PREX2: variants seen among roughly 807,000 people sequenced by gnomAD.
The protein encoded by PREX2 is phosphatidylinositol-3,4,5-trisphosphate dependent Rac exchange factor 2.
A neutral mutation model predicts 203.2 loss-of-function variants in PREX2; 107 were observed. The ratio of observed to expected loss-of-function variants is 0.53; its 90% CI spans 0.45 to 0.62. The LOEUF (loss-of-function observed/expected upper bound fraction) is 0.62, where lower values mean the gene tolerates loss of function less well. Ranked by LOEUF, PREX2 falls within the 20% of genes least tolerant of loss-of-function variation. The pLI, the probability that PREX2 is intolerant of heterozygous loss-of-function variation, is 0.00. For synonymous variants in PREX2, 672 were observed against 663.6 expected (o/e 1.01, Z -0.19); for missense variants, 1,777 against 1,955.9 (o/e 0.91, Z 1.72).
At chr8:68,036,879 G>A (rs1465083324) in intron 6 of PREX2, among the ~76,000 whole-genome samples, 1 of 152,180 alleles carries the variant, frequency 6.6e-6, no homozygotes, top group African/African-American at 2.4e-5. Flanking sequence ...GGCGGAGGTT[G>A]TGGCGAGCCA....
At chr8:68,064,585 C>A (rs1036643108) in intron 11 of PREX2, among the ~76,000 whole-genome samples, 5 of 151,700 alleles carry the variant, frequency 3.3e-5, no homozygotes, top group Non-Finnish European at 7.4e-5. Context: ...GTTATGTTGA[C>A]CAGGTTGGTC....
intron 35 of PREX2, among the ~76,000 whole-genome samples, chr8:68,174,809 C>T (rs1224256082): frequency 1.3e-5 from 2 of 152,170 alleles, no homozygotes; most frequent in African/African-American, 4.8e-5. Context: ...GCCAGAGCAA[C>T]CAAACCAGGA....
At position 68,194,800 on chromosome 8, in the gene PREX2, C is replaced by CA. The variant is rs11301210; in HGVS notation, c.4604+2289dup. Among the ~76,000 whole-genome samples, 1,051 of 142,902 alleles carry CA rather than the reference C, an allele frequency of 7.4e-3. 11 individuals carry two copies. The highest frequency in any genetic ancestry group is 0.025 in the African/African-American group (988 of 38,780). 93.7% of individuals were successfully genotyped at this position (142,902 alleles called of 152,430 possible). ...TGGGCAACAGAGCGAGACTGTGTCT[C>CA]AAAAAAAAAAAAAATATGAAGGAGT... On this transcript the variant is annotated intron_variant, in intron 37 of 39. Coordinates refer to ENST00000288368, the MANE Select transcript of PREX2 (RefSeq NM_024870.4).
intron 35 of PREX2, among the ~76,000 whole-genome samples, chr8:68,186,550 G>A (rs957073817): frequency 3.3e-5 from 5 of 152,136 alleles, no homozygotes; most frequent in Non-Finnish European, 7.4e-5. Context: ...GTCTTGCTCT[G>A]TTGCCCAGGC....
intron 30 of PREX2, among the ~76,000 whole-genome samples, chr8:68,123,821 A>G (rs111513399): frequency 0.02 from 3,000 of 152,156 alleles, 98 homozygotes; most frequent in African/African-American, 0.068. Context: ...TTAACAGCCA[A>G]ATTCTACCAG....
intron 1 of PREX2, among the ~76,000 whole-genome samples, chr8:68,002,558 A>G (rs963483167): frequency 1.3e-5 from 2 of 152,200 alleles, no homozygotes; most frequent in African/African-American, 4.8e-5. Context: ...CCCTTGTAGT[A>G]TGTGAACTTA....
intron 38 of PREX2, among the ~76,000 whole-genome samples, chr8:68,217,962 A>G (rs763007240): frequency 9.8e-6 from 1 of 101,942 alleles, no homozygotes; most frequent in Non-Finnish European, 1.8e-5. Context: ...GCAGGCAGAA[A>G]GGGACTTGAT....
intron 33 of PREX2, among the ~76,000 whole-genome samples, chr8:68,142,399 C>T (rs905225910): frequency 3.3e-5 from 5 of 152,168 alleles, no homozygotes; most frequent in African/African-American, 1.2e-4. Context: ...CAGTAGGTAG[C>T]TTTTCAGATT....
intron 31 of PREX2, among the ~76,000 whole-genome samples, chr8:68,132,545 C>A (rs558892891): frequency 6.6e-6 from 1 of 151,962 alleles, no homozygotes; most frequent in Admixed American, 6.5e-5. Context: ...TACAGTGAAA[C>A]CGAGTATCAT....
At chr8:68,058,193 C>T (rs549523136) in intron 10 of PREX2, among the ~76,000 whole-genome samples, 1 of 152,242 alleles carries the variant, frequency 6.6e-6, no homozygotes, top group African/African-American at 2.4e-5. Flanking sequence ...TTCTCGACCT[C>T]TCACTCTTAA....
intron 33 of PREX2, among the ~76,000 whole-genome samples, chr8:68,145,566 A>G (rs1811308254): frequency 1.3e-5 from 2 of 152,186 alleles, no homozygotes; most frequent in South Asian, 4.1e-4. Flanking sequence ...AATATTTGTC[A>G]TGGATAAGTA....
chr8:68,146,489 G>T (rs1811329336), intron 34 of PREX2, 137 bp downstream of exon 34: 2 of 750,312 alleles, frequency 2.7e-6, no homozygotes, highest in Non-Finnish European at 2.1e-6. Flanking sequence ...TTGCTTCTGG[G>T]AATGTTTATT....
At chr8:68,137,460 A>C in intron 32 of PREX2, among the ~76,000 whole-genome samples, 1 of 151,856 alleles carries the variant, frequency 6.6e-6, no homozygotes, top group East Asian at 1.9e-4. Context: ...TTTGAGAGAT[A>C]GTGTCTCACT....
intron 1 of PREX2, among the ~76,000 whole-genome samples, chr8:67,998,357 C>T (rs941904436): frequency 6.6e-6 from 1 of 152,236 alleles, no homozygotes; most frequent in African/African-American, 2.4e-5. Flanking sequence ...TCTTATTTCT[C>T]CTGCCCTGTC....
At chr8:68,146,147 C>A in intron 33 of PREX2, 62 bp from the exon 34 acceptor site, 1 of 1,196,700 alleles carries the variant, frequency 8.4e-7, no homozygotes, top group Non-Finnish European at 1.2e-6. Context: ...TGAAAGTTAA[C>A]AAAAGTACCA....
chr8:68,118,212 T>G (rs539955634), intron 26 of PREX2, among the ~76,000 whole-genome samples: 1 of 151,718 alleles, frequency 6.6e-6, no homozygotes, highest in South Asian at 2.1e-4. Flanking sequence ...AAAATTAGCC[T>G]GGTGTGGTGG....
chr8:68,193,009 A>G (rs1812327783), intron 37 of PREX2, among the ~76,000 whole-genome samples: 1 of 152,194 alleles, frequency 6.6e-6, no homozygotes, highest in Admixed American at 6.5e-5. Flanking sequence ...ACAATGTGCT[A>G]TTCCAGAAAA....
In PREX2 at chr8:68,115,879, A is replaced by G; in HGVS notation, c.3273A>G (p.Gly1091=). 1 of 1,614,012 alleles carries G rather than the reference A, an allele frequency of 6.2e-7. No individual in the cohort carries two copies. The highest frequency in any genetic ancestry group is 8.5e-7 in the Non-Finnish European group (1 of 1,179,924). Residue 1091 remains glycine, a synonymous_variant, in exon 26 of 40, where the codon GGA becomes GGG. Coordinates refer to ENST00000288368, the MANE Select transcript of PREX2 (RefSeq NM_024870.4). ...NSKRVCFNVA[G]DEQEDSGHDT... The stretch of plus-strand genomic sequence containing the variant: ...AACGGGTATGTTTTAATGTAGCAGG[A>G]GATGAACAGGAAGATTCTGGTCATG...
At chr8:67,980,829 G>A (rs956017139) in intron 1 of PREX2, among the ~76,000 whole-genome samples, 3 of 152,194 alleles carry the variant, frequency 2.0e-5, no homozygotes, top group African/African-American at 4.8e-5. Flanking sequence ...TGTCATGATC[G>A]TAAGTTTCCT....
Sources: allele counts gnomAD v4.1 joint callset (sites outside exome capture counted in the v4.1 genomes callset), GRCh38; gene constraint gnomAD v4.1.1; transcripts MANE v1.5; gene names NCBI Gene and HGNC (gene_info 2026-07-23, HGNC 2026-07-21).